DIAPH3: variants seen among roughly 807,000 people sequenced by gnomAD.
The protein encoded by DIAPH3 is diaphanous related formin 3.
In DIAPH3, 117 loss-of-function variants were observed where a neutral mutation model predicts 144.3. The observed-to-expected ratio is 0.81, with a 90% CI of 0.70 to 0.95. DIAPH3 has a LOEUF of 0.95. Ranked by LOEUF, DIAPH3 falls within the 40% of genes least tolerant of loss-of-function variation. DIAPH3 has a pLI of 0.00. For synonymous variants in DIAPH3, 519 were observed against 488.9 expected, an observed-to-expected ratio of 1.06 and a Z score of -0.81; for missense variants, 1,421 against 1,412.7, an observed-to-expected ratio of 1.01 and a Z score of -0.09.
chr13:59,714,131 C>T (rs934396889), intron 27 of DIAPH3, among the ~76,000 whole-genome samples: 14 of 152,040 alleles, frequency 9.2e-5, no homozygotes, highest in Admixed American at 2.0e-4. Flanking sequence ...GAGGCCGAGG[C>T]GGGCGGATCA....
intron 5 of DIAPH3, among the ~76,000 whole-genome samples, chr13:60,032,740 G>A (rs1026096731): frequency 1.3e-5 from 2 of 152,210 alleles, no homozygotes; most frequent in Non-Finnish European, 2.9e-5. Flanking sequence ...TTCCCTCATC[G>A]TCTTAGACAT....
chr13:60,117,596 C>T (rs1450218171), intron 2 of DIAPH3, among the ~76,000 whole-genome samples: 2 of 152,020 alleles, frequency 1.3e-5, no homozygotes, highest in African/African-American at 4.8e-5. Flanking sequence ...GTGAGCTTTA[C>T]TATCAAATCA....
intron 27 of DIAPH3, among the ~76,000 whole-genome samples, chr13:59,725,556 C>T (rs1201179150): frequency 1.3e-5 from 2 of 152,136 alleles, no homozygotes; most frequent in African/African-American, 2.4e-5. Context: ...ATATTAGATT[C>T]GTCCAAGGCA....
intron 27 of DIAPH3, among the ~76,000 whole-genome samples, chr13:59,669,551 A>G (rs770122089): frequency 5.9e-5 from 9 of 152,208 alleles, no homozygotes; most frequent in African/African-American, 9.6e-5. Flanking sequence ...CTCTGAGGAC[A>G]GCCCTCAAGG....
At chr13:60,159,118 T>A (rs1952167284) in intron 1 of DIAPH3, among the ~76,000 whole-genome samples, 1 of 152,074 alleles carries the variant, frequency 6.6e-6, no homozygotes, top group Admixed American at 6.6e-5. Flanking sequence ...TGTACTCAAA[T>A]TCCTACTACG....
chr13:59,970,089 T>C (rs201332330), intron 16 of DIAPH3, 31 bp from the exon 17 acceptor site: 19 of 1,330,660 alleles, frequency 1.4e-5, no homozygotes, highest in South Asian at 2.5e-5. Flanking sequence ...GATTCATCAA[T>C]AGGTGAGTGT....
At chr13:59,873,343 A>C (rs2044396006) in intron 21 of DIAPH3, among the ~76,000 whole-genome samples, 1 of 152,190 alleles carries the variant, frequency 6.6e-6, no homozygotes, top group Non-Finnish European at 1.5e-5. Flanking sequence ...CTTAAAAATA[A>C]ATTCATAGAG....
chr13:60,065,041 G>T (rs578194575), intron 4 of DIAPH3, among the ~76,000 whole-genome samples: 1 of 151,992 alleles, frequency 6.6e-6, no homozygotes, highest in Non-Finnish European at 1.5e-5. Flanking sequence ...GTGGTTTGTG[G>T]CACCTTAAAA....
intron 27 of DIAPH3, among the ~76,000 whole-genome samples, chr13:59,744,630 C>T (rs990538079): frequency 1.3e-5 from 2 of 152,144 alleles, no homozygotes; most frequent in African/African-American, 2.4e-5. Context: ...AGATTGGAGA[C>T]TCCTTCTCTA....
chr13:59,828,623 C>T (rs1429395736), intron 24 of DIAPH3, among the ~76,000 whole-genome samples: 2 of 95,840 alleles, frequency 2.1e-5, no homozygotes, highest in Non-Finnish European at 4.3e-5. Context: ...CTGTCACATT[C>T]TGGACCTCAA....
At chr13:60,031,688 C>CCCTA (rs2054804426) in intron 5 of DIAPH3, among the ~76,000 whole-genome samples, 1 of 148,738 alleles carries the variant, frequency 6.7e-6, no homozygotes, top group Non-Finnish European at 1.5e-5. Flanking sequence ...AAAGGGGCTA[C>CCCTA]AGGCCCTAAG....
chr13:59,720,453 A>C (rs928518578), intron 27 of DIAPH3, among the ~76,000 whole-genome samples: 1 of 152,220 alleles, frequency 6.6e-6, no homozygotes, highest in Non-Finnish European at 1.5e-5. Flanking sequence ...AAGTTCTTAA[A>C]AATTGAACAT....
At chr13:59,802,664 A>ATT (rs71197279) in intron 25 of DIAPH3, among the ~76,000 whole-genome samples, 2,604 of 31,988 alleles carry the variant, frequency 0.081, 348 homozygotes, top group Middle Eastern at 0.2. Context: ...TATTATTATT[A>ATT]TTATTTTTTT....
In DIAPH3 at chr13:59,999,826, C is replaced by T. The variant is rs141712415; in HGVS notation, c.1015-7243G>A. Among the ~76,000 whole-genome samples, 6 of 152,272 alleles carry T rather than the reference C, an allele frequency of 3.9e-5. No homozygotes were observed. The East Asian group carries it at 9.7e-4, about 25-fold the overall frequency. ...TCCCCCAGCTCCTCCTCCAGGGTCT[C>T]TCACAGGCATTTCCTCTAGTCCCTT... On this transcript the variant is annotated intron_variant, in intron 9 of 27. Coordinates refer to ENST00000400324, the MANE Select transcript of DIAPH3 (RefSeq NM_001042517.2).
chr13:60,097,277 C>T (rs564749730), intron 3 of DIAPH3, among the ~76,000 whole-genome samples: 9 of 152,118 alleles, frequency 5.9e-5, no homozygotes, highest in Non-Finnish European at 1.2e-4. Context: ...CCTAGTGGGA[C>T]GTGTCTGGGT....
At chr13:59,685,676 T>C (rs753529896) in intron 27 of DIAPH3, among the ~76,000 whole-genome samples, 1 of 151,970 alleles carries the variant, frequency 6.6e-6, no homozygotes, top group African/African-American at 2.4e-5. Flanking sequence ...CTTGTTCTGT[T>C]GAAAGGGGGG....
At chr13:59,739,823 A>G (rs915786850) in intron 27 of DIAPH3, among the ~76,000 whole-genome samples, 3 of 152,154 alleles carry the variant, frequency 2.0e-5, no homozygotes, top group African/African-American at 7.2e-5. Context: ...CAACCCTCTG[A>G]ATCCACAAAT....
rs79595975 is a variant in DIAPH3 at position 59,989,929 on chromosome 13, A to G, written c.1361+1229T>C. Among the ~76,000 whole-genome samples the G allele has an allele frequency of 7.2e-5, 11 of 152,032 alleles. No individual in the cohort carries two copies. In the East Asian group the frequency reaches 2.1e-3, roughly 29 times the overall value. On this transcript the variant is annotated intron_variant, in intron 12 of 27. Transcript: ENST00000400324. ...CAGAAGACGACAGGACTGACCACAC[A>G]CAGATCAAAAAATGTATGGAGTTTA... is the stretch of plus-strand genomic sequence containing the variant.
intron 27 of DIAPH3, among the ~76,000 whole-genome samples, chr13:59,733,435 G>A (rs2035986207): frequency 6.6e-6 from 1 of 152,068 alleles, no homozygotes; most frequent in African/African-American, 2.4e-5. Flanking sequence ...AAACTAGTGT[G>A]TAACTTGTGT....
Sources: gnomAD v4.1 joint callset for allele counts (sites outside exome capture counted in the v4.1 genomes callset) on GRCh38, gnomAD v4.1.1 for gene constraint, MANE v1.5 for transcripts, NCBI Gene and HGNC (gene_info 2026-07-23, HGNC 2026-07-21) for gene names.